The following ECE2 variants were observed in gnomAD, a reference collection of about 807,000 sequenced individuals.
ECE2 encodes the protein endothelin-converting enzyme 2.
A neutral mutation model predicts 100.6 loss-of-function variants in ECE2; 81 were observed. That is an observed-to-expected ratio of 0.81 (90% confidence interval 0.67 to 0.97). ECE2 has a LOEUF of 0.97. Among genes scored for constraint, ECE2 ranks in the 50% least tolerant of loss-of-function variants. The pLI is 0.00. For synonymous variants in ECE2, 391 were observed against 391.5 expected (o/e 1.00, Z 0.02); for missense variants, 911 against 988.1 (o/e 0.92, Z 1.05).
At chr3:184,276,404 A>G in intron 1 of ECE2, 77 bp from the exon 2 acceptor site, 1 of 1,534,526 alleles carries the variant, frequency 6.5e-7, no homozygotes, top group Non-Finnish European at 8.8e-7. Flanking sequence ...TCCGCGAGGC[A>G]GGGAGCACTG....
chr3:184,285,585 C>T lies in ECE2; in HGVS notation c.1256C>T (p.Thr419Ile), dbSNP rs765981626. Residue 419 changes from threonine (T) to isoleucine (I), a missense_variant, in exon 10 of 19, where the codon ACT (threonine) becomes ATT (isoleucine). By Grantham distance (89) the Thr-to-Ile change is moderately conservative (BLOSUM62 -1). Transcript: ENST00000404464. Reference sequence around the variant, plus strand: ...AAGCTGCTGGAGACCCTCTATGGCACTAAGAAGGTGGGCTTTCTGATTTTG... The same window carrying T: ...AAGCTGCTGGAGACCCTCTATGGCATTAAGAAGGTGGGCTTTCTGATTTTG... The part of the protein sequence containing the change: ...QEKLLETLYG[T>I]KKSCVPRWQT... 1 of 1,613,020 alleles carries T rather than the reference C, an allele frequency of 6.2e-7. No individual in the cohort carries two copies. The highest frequency in any genetic ancestry group is 8.5e-7 in the Non-Finnish European group (1 of 1,178,988).
intron 1 of ECE2, 143 bp downstream of exon 1, chr3:184,276,335 C>A: frequency 7.2e-7 from 1 of 1,391,942 alleles, no homozygotes; most frequent in East Asian, 2.5e-5. Flanking sequence ...ATAGAGAGAC[C>A]CCGGGCCCGA....
chr3:184,283,176 G>T (rs1180308937), intron 7 of ECE2, among the ~76,000 whole-genome samples: 2 of 152,194 alleles, frequency 1.3e-5, no homozygotes, highest in African/African-American at 4.8e-5. Flanking sequence ...AGTCCCTAGA[G>T]ACAGCAGTGA....
chr3:184,289,854 A>G lies in ECE2; in HGVS notation c.1551+136A>G. ...TTAGAGGCAGATGGAGGTAACCAGCATTGTTAAAATGTTGGCTCTGTGACA... is the reference window on the plus strand; with the variant it reads ...TTAGAGGCAGATGGAGGTAACCAGCGTTGTTAAAATGTTGGCTCTGTGACA... On this transcript the variant is annotated intron_variant, in intron 13 of 18. Coordinates refer to ENST00000404464, the MANE Select transcript of ECE2 (RefSeq NM_001100121.2). The surrounding 1 kb of genome is among the most constrained non-coding windows in gnomAD (Gnocchi z 4.1). 2 of 758,354 alleles carry G rather than the reference A, an allele frequency of 2.6e-6. No homozygotes were observed. The highest frequency in any genetic ancestry group is 2.7e-5 in the East Asian group (1 of 37,220). 47.0% of individuals were successfully genotyped at this position (758,354 alleles called of 1,614,324 possible).
In ECE2 at chr3:184,290,586, C is replaced by A. The variant is rs751463481; in HGVS notation, c.1685C>A (p.Ala562Asp). Residue 562 changes from alanine (A) to aspartate (D), a missense_variant, in exon 15 of 19, where the codon GCC (alanine) becomes GAC (aspartate). By Grantham distance (126) the Ala-to-Asp change is moderately radical (BLOSUM62 -2). Coordinates refer to ENST00000404464, the MANE Select transcript of ECE2 (RefSeq NM_001100121.2). Reference protein sequence around the residue: ...QWSMTPQTVNAYYLPTKNEIV... With the variant: ...QWSMTPQTVNDYYLPTKNEIV... ...AGCATGACCCCCCAGACAGTGAATGCCTACTACCTTCCAACTAAGAATGAG... is the reference window on the plus strand; with the variant it reads ...AGCATGACCCCCCAGACAGTGAATGACTACTACCTTCCAACTAAGAATGAG... The A allele has an allele frequency of 2.5e-6, 4 of 1,614,176 alleles. No homozygotes were observed. Among genetic ancestry groups the A allele is most frequent in the Non-Finnish European group, 3.4e-6 (4 of 1,180,028 alleles).
rs1323901447 is a variant in ECE2 at position 184,289,460 on chromosome 3, C to A, written c.1398C>A (p.Ile466=). ...KEIAEGMISE[I]RTAFEEALGQ... ...AGGCAGAGGGGATGATCAGCGAAAT[C>A]CGGACCGCATTTGAGGAGGCCCTGG... Residue 466 remains isoleucine, a synonymous_variant, in exon 12 of 19, where the codon ATC becomes ATA. Coordinates refer to ENST00000404464, the MANE Select transcript of ECE2 (RefSeq NM_001100121.2). This position sits in a 1 kb window ranked among gnomAD's most constrained non-coding sequence, Gnocchi z 4.1. The A allele has an allele frequency of 1.9e-6, 3 of 1,609,806 alleles. No individual in the cohort carries two copies. In the Admixed American group the frequency reaches 5.0e-5, roughly 27 times the overall value.
intron 7 of ECE2, among the ~76,000 whole-genome samples, chr3:184,282,424 A>C (rs944580564): frequency 6.6e-6 from 1 of 152,214 alleles, no homozygotes; most frequent in Non-Finnish European, 1.5e-5. Context: ...CTTCAGGTTG[A>C]GTGGGAAGTG....
At position 184,290,808 on chromosome 3, in the gene ECE2, T is replaced by G. The variant is rs1721276034; in HGVS notation, c.1782T>G (p.Gly594=). The G allele has an allele frequency of 1.2e-6, 2 of 1,614,096 alleles. No homozygotes were observed. Among genetic ancestry groups the G allele is most frequent in the Non-Finnish European group, 1.7e-6 (2 of 1,179,994 alleles). Reference sequence around the variant, plus strand: ...CACCCACCAGGGCCCTGAACTTCGGTGGCATCGGTGTGGTCATGGGCCATG... The same window carrying G: ...CACCCACCAGGGCCCTGAACTTCGGGGGCATCGGTGTGGTCATGGGCCATG... ...ARNHPKALNF[G]GIGVVMGHEL... The change falls in exon 16 of 19, where the codon GGT becomes GGG. Residue 594 remains glycine (G), a synonymous_variant. Coordinates refer to ENST00000404464, the MANE Select transcript of ECE2 (RefSeq NM_001100121.2).
At chr3:184,290,221 C>T (rs745876682) in intron 13 of ECE2, 34 bp from the exon 14 acceptor site, 6 of 1,563,334 alleles carry the variant, frequency 3.8e-6, no homozygotes, top group Non-Finnish European at 4.4e-6. Flanking sequence ...AATGGATTCT[C>T]TTGCTCTCTT....
Position 184,291,334 on chromosome 3 carries a change from C to A in ECE2, c.2026-10C>A. 1 of 1,601,866 alleles carries A rather than the reference C, an allele frequency of 6.2e-7. No individual in the cohort carries two copies. The highest frequency in any genetic ancestry group is 8.5e-7 in the Non-Finnish European group (1 of 1,173,180). On this transcript the variant is annotated splice_polypyrimidine_tract_variant and intron_variant, in intron 17 of 18. Transcript: ENST00000404464. This position sits in a 1 kb window ranked among gnomAD's most constrained non-coding sequence, Gnocchi z 4.1. ...CTGGATGGGCTTGTTGCCCACTGTT[C>A]TGTCCCCAGGCTTACAAAGCATGGC...
Position 184,289,318 on chromosome 3 carries a change from C to G in ECE2, c.1375-119C>G. On this transcript the variant is annotated intron_variant, in intron 11 of 18. Transcript: ENST00000404464. This position sits in a 1 kb window ranked among gnomAD's most constrained non-coding sequence, Gnocchi z 4.1. ...CGTCTCCAGGTGCTCAGCCGTATTT[C>G]TTTAGTCTAGACGTTCCCATTTCCC... is the stretch of plus-strand genomic sequence containing the variant. 3 of 855,510 alleles carry G rather than the reference C, an allele frequency of 3.5e-6. No homozygotes were observed. The highest frequency in any genetic ancestry group is 5.6e-6 in the Non-Finnish European group (3 of 535,454). The allele number at this position is 855,510 out of a possible 1,614,324, so 53.0% of individuals were successfully genotyped here.
intron 7 of ECE2, among the ~76,000 whole-genome samples, chr3:184,282,446 G>A (rs1236989061): frequency 6.6e-6 from 1 of 152,336 alleles, no homozygotes; most frequent in South Asian, 2.1e-4. Flanking sequence ...TTTCTGGGAG[G>A]AGGGTTAAGG....
rs1721326689 is a variant in ECE2 at position 184,291,633 on chromosome 3, G to A, written c.2121+194G>A. 2 of 558,652 alleles carry A rather than the reference G, an allele frequency of 3.6e-6. No individual in the cohort carries two copies. Among genetic ancestry groups the A allele is most frequent in the African/African-American group, 1.9e-5 (1 of 52,456 alleles). 34.6% of individuals were successfully genotyped at this position (558,652 alleles called of 1,614,324 possible). ...GGGCCCACAAAGGCAGCCTGAAGAG[G>A]CCTGAGCGGGAGAATGCCTTGGTAG... On this transcript the variant is annotated intron_variant, in intron 18 of 18. Transcript: ENST00000404464. This position sits in a 1 kb window ranked among gnomAD's most constrained non-coding sequence, Gnocchi z 4.1.
Position 184,291,278 on chromosome 3 carries a change from G to A in ECE2, c.2025+48G>A, listed in dbSNP as rs748409476. ...CAGCGGCTGAGGCCTGCTGGCCTGG[G>A]GTGAAAGGTGCCGGGTGGGTGGGGG... On this transcript the variant is annotated intron_variant, in intron 17 of 18. Coordinates refer to ENST00000404464, the MANE Select transcript of ECE2 (RefSeq NM_001100121.2). The surrounding 1 kb of genome is among the most constrained non-coding windows in gnomAD (Gnocchi z 4.1). 5 of 1,594,376 alleles carry A rather than the reference G, an allele frequency of 3.1e-6. No individual in the cohort carries two copies. Among genetic ancestry groups the A allele is most frequent in the African/African-American group, 1.3e-5 (1 of 74,812 alleles).
At chr3:184,287,028 C>G (rs1252001898) in intron 10 of ECE2, among the ~76,000 whole-genome samples, 2 of 151,734 alleles carry the variant, frequency 1.3e-5, no homozygotes, top group Non-Finnish European at 2.9e-5. Flanking sequence ...AATCCCAGCA[C>G]TTTGGGAGGT....
In ECE2 at chr3:184,291,006, G is replaced by C; in HGVS notation, c.1835-34G>C. The stretch of plus-strand genomic sequence containing the variant: ...TGCTGCCCCCAAGAGACGAGCTCTG[G>C]TTTTGGTGGGGTGCAAAGGTGAGTT... On this transcript the variant is annotated intron_variant, in intron 16 of 18. Transcript: ENST00000404464. The surrounding 1 kb of genome is among the most constrained non-coding windows in gnomAD (Gnocchi z 4.1). The C allele has an allele frequency of 6.4e-7, 1 of 1,554,794 alleles. No homozygotes were observed. Among genetic ancestry groups the C allele is most frequent in the Non-Finnish European group, 8.7e-7 (1 of 1,151,050 alleles).
chr3:184,277,563 G>T, intron 4 of ECE2, 97 bp downstream of exon 4: 1 of 1,316,566 alleles, frequency 7.6e-7, no homozygotes. Context: ...CATGAATGAG[G>T]AAGTGGATGG....
At chr3:184,283,692 G>A (rs2108425195) in intron 7 of ECE2, 93 bp from the exon 8 acceptor site, 1 of 1,326,454 alleles carries the variant, frequency 7.5e-7, no homozygotes, top group Non-Finnish European at 1.0e-6. Context: ...GGATCAAGCA[G>A]AAGAGATATT....
At position 184,292,570 on chromosome 3, in the gene ECE2, G is replaced by C. The variant is rs1721379057; in HGVS notation, c.*332G>C. The C allele has an allele frequency of 5.7e-6, 2 of 352,052 alleles. No homozygotes were observed. The highest frequency in any genetic ancestry group is 7.4e-5 in the South Asian group (2 of 27,110). 21.8% of individuals were successfully genotyped at this position (352,052 alleles called of 1,614,324 possible). On this transcript the variant is annotated 3_prime_UTR_variant, in exon 19 of 19. Transcript: ENST00000404464. ...GCTCACTCAGCCTGGCGGCCATGGG[G>C]CCTGCCGTGCCTGCCCCACTGTGAC...
Sources: gnomAD v4.1 joint callset for allele counts (sites outside exome capture counted in the v4.1 genomes callset) on GRCh38, gnomAD v4.1.1 for gene constraint, Gnocchi (gnomAD v3.1) non-coding constraint, MANE v1.5 for transcripts, NCBI Gene and HGNC (gene_info 2026-07-23, HGNC 2026-07-21) for gene names.